The following ABR variants were observed in gnomAD, a reference collection of about 807,000 sequenced individuals.
ABR encodes ABR activator of RhoGEF and GTPase, also known as active breakpoint cluster region-related protein.
Under a neutral mutation model 107.2 loss-of-function variants are expected in ABR, and 35 were observed. The ratio of observed to expected loss-of-function variants is 0.33; its 90% CI spans 0.25 to 0.43. The LOEUF is 0.43. Ranked by LOEUF, ABR falls within the 20% of genes least tolerant of loss-of-function variation. The pLI is 1.00. For missense variants in ABR, 815 were observed against 1,115.2 expected (o/e 0.73, Z 3.83); for synonymous variants, 498 against 462.0 (o/e 1.08, Z -1.00).
chr17:1,078,831 C>A lies in ABR; in HGVS notation c.700+499G>T. ...TGGGTTACCATAGGTGCAGTTACAG[C>A]AGAAGCGAATAATGAGGAGAATCTC... is the stretch of plus-strand genomic sequence containing the variant. On this transcript the variant is annotated intron_variant, in intron 6 of 22. Coordinates refer to ENST00000302538, the MANE Select transcript of ABR (RefSeq NM_021962.5). The surrounding 1 kb of genome is among the most constrained non-coding windows in gnomAD (Gnocchi z 7.5). 7 of 1,535,630 alleles carry A rather than the reference C, an allele frequency of 4.6e-6. No homozygotes were observed. Among genetic ancestry groups the A allele is most frequent in the Non-Finnish European group, 6.1e-6 (7 of 1,146,850 alleles).
chr17:1,215,356 AGCCTGCCGAGTGCCTGCGATT>A (rs2042979910), intron 1 of ABR, among the ~76,000 whole-genome samples: 1 of 151,750 alleles, frequency 6.6e-6, no homozygotes, highest in South Asian at 2.1e-4. Flanking sequence ...CTCCTGCCTC[AGCCTGCCGAGTGCCTGCGATT>A]GCAGGCGCGC....
intron 4 of ABR, among the ~76,000 whole-genome samples, chr17:1,086,502 CTT>C (rs11288862): frequency 1.8e-4 from 25 of 140,518 alleles, no homozygotes; most frequent in Non-Finnish European, 2.3e-4. Flanking sequence ...TACTTATACA[CTT>C]TTTTTTTTTT....
At chr17:1,166,284 GGGCTTC>G in intron 1 of ABR, among the ~76,000 whole-genome samples, 2 of 152,216 alleles carry the variant, frequency 1.3e-5, no homozygotes, top group South Asian at 4.1e-4. Context: ...GCCCCATGCA[GGGCTTC>G]TCTCCAGGGC....
intron 10 of ABR, 109 bp downstream of exon 10, chr17:1,066,968 A>G (rs2034804797): frequency 2.5e-6 from 3 of 1,179,118 alleles, no homozygotes; most frequent in Non-Finnish European, 3.6e-6. Flanking sequence ...TAGTAACTAC[A>G]CACTCAAGGC....
At chr17:1,169,587 C>A (rs548671870) in intron 1 of ABR, among the ~76,000 whole-genome samples, 118 of 152,274 alleles carry the variant, frequency 7.7e-4, no homozygotes, top group African/African-American at 2.6e-3. Flanking sequence ...CAGGGGCTGA[C>A]CTCTCCGTGG....
chr17:1,175,885 A>T (rs891517395), intron 1 of ABR, among the ~76,000 whole-genome samples: 7 of 151,896 alleles, frequency 4.6e-5, no homozygotes, highest in Non-Finnish European at 8.8e-5. Context: ...AGGTCAGGAG[A>T]TCGAGACCAT....
At chr17:1,082,247 G>C (rs914278386) in intron 5 of ABR, among the ~76,000 whole-genome samples, 1 of 152,116 alleles carries the variant, frequency 6.6e-6, no homozygotes, top group Non-Finnish European at 1.5e-5. Flanking sequence ...AGTGCTTCAG[G>C]GGTGCCACTG....
intron 3 of ABR, among the ~76,000 whole-genome samples, chr17:1,095,193 G>A (rs932479496): frequency 2.0e-5 from 3 of 152,170 alleles, no homozygotes; most frequent in Admixed American, 2.0e-4. Context: ...CTCAGAAGCC[G>A]CGACGCGCTC....
chr17:1,224,460 C>T (rs2043178427), intron 1 of ABR, among the ~76,000 whole-genome samples: 1 of 152,158 alleles, frequency 6.6e-6, no homozygotes, highest in African/African-American at 2.4e-5. Flanking sequence ...TGTTCTCTCT[C>T]TGAAACCCTG....
chr17:1,085,182 G>A (rs964319939), intron 4 of ABR, among the ~76,000 whole-genome samples: 2 of 137,684 alleles, frequency 1.5e-5, no homozygotes, highest in East Asian at 2.1e-4. Context: ...ATGCCATCTC[G>A]GCTCACTACA....
intron 1 of ABR, among the ~76,000 whole-genome samples, chr17:1,222,070 C>T (rs959802431): frequency 3.9e-5 from 3 of 77,000 alleles, no homozygotes; most frequent in African/African-American, 1.3e-4. Context: ...ATGGAGGATC[C>T]CATCTTTTTT....
In ABR at chr17:1,027,372, C is replaced by T. The variant is rs1274678312; in HGVS notation, c.1792-14208G>A. The stretch of plus-strand genomic sequence containing the variant: ...AGCAGGGTTCCCGCCTTGATGTCTG[C>T]AGCCCCCTCTGAAGTCGCACACAGT... On this transcript the variant is annotated intron_variant, in intron 16 of 22. Coordinates refer to ENST00000302538, the MANE Select transcript of ABR (RefSeq NM_021962.5). This position sits in a 1 kb window ranked among gnomAD's most constrained non-coding sequence, Gnocchi z 4.7. 6.6e-6 allele frequency among the ~76,000 whole-genome samples: 1 copy of T among 152,226 alleles called. No individual in the cohort carries two copies. The highest frequency in any genetic ancestry group is 1.5e-5 in the Non-Finnish European group (1 of 68,034).
chr17:1,189,184 G>A (rs930284098), upstream of ABR, among the ~76,000 whole-genome samples: 2 of 152,152 alleles, frequency 1.3e-5, no homozygotes, highest in African/African-American at 2.4e-5. Context: ...GGCTGGGTCC[G>A]TTGGTTGGAG....
At chr17:1,139,475 A>G (rs1052064054) in intron 1 of ABR, among the ~76,000 whole-genome samples, 1 of 151,344 alleles carries the variant, frequency 6.6e-6, no homozygotes, top group Admixed American at 6.6e-5. Flanking sequence ...GATGGTCTCC[A>G]TCTCCTGACC....
intron 1 of ABR, among the ~76,000 whole-genome samples, chr17:1,205,254 C>T (rs755628293): frequency 2.6e-5 from 4 of 152,148 alleles, no homozygotes; most frequent in Admixed American, 6.6e-5. Flanking sequence ...TGGCACATTA[C>T]CCAATATTCT....
intron 2 of ABR, among the ~76,000 whole-genome samples, chr17:1,106,834 C>G (rs2038286197): frequency 6.6e-6 from 1 of 152,198 alleles, no homozygotes. Context: ...CTGGCCCACC[C>G]TGCCTACTTC....
At chr17:1,188,366 C>T (rs1297176972), upstream of ABR, among the ~76,000 whole-genome samples, 4 of 151,720 alleles carry the variant, frequency 2.6e-5, no homozygotes, top group Non-Finnish European at 4.4e-5. Flanking sequence ...CTGGCTAACA[C>T]GGTGAAACTC....
intron 1 of ABR, among the ~76,000 whole-genome samples, chr17:1,192,785 G>A (rs1318715818): frequency 1.3e-5 from 2 of 152,108 alleles, no homozygotes. Context: ...GTGGTGGAAG[G>A]CACCTATAAT....
At chr17:1,100,070 G>A (rs2037759915) in intron 3 of ABR, among the ~76,000 whole-genome samples, 1 of 150,156 alleles carries the variant, frequency 6.7e-6, no homozygotes, top group South Asian at 2.1e-4. Context: ...AGGTTGCAGT[G>A]AGCCGAGATC....
Sources: allele counts gnomAD v4.1 joint callset (sites outside exome capture counted in the v4.1 genomes callset), GRCh38; gene constraint gnomAD v4.1.1; non-coding constraint Gnocchi (gnomAD v3.1); transcripts MANE v1.5; gene names NCBI Gene and HGNC (gene_info 2026-07-23, HGNC 2026-07-21).